Variants in PCDHGA9 observed in about 807,000 individuals in gnomAD.
PCDHGA9 encodes protocadherin gamma-A9.
A neutral mutation model predicts 62.5 loss-of-function variants in PCDHGA9; 37 were observed. The observed-to-expected ratio is 0.59, with a 90% CI of 0.46 to 0.78. The LOEUF (loss-of-function observed/expected upper bound fraction) is 0.78, where lower values mean the gene tolerates loss of function less well. Among genes scored for constraint, PCDHGA9 ranks in the 30% least tolerant of loss-of-function variants. The pLI is 0.00. For missense variants in PCDHGA9, 1,138 were observed against 1,166.2 expected (o/e 0.98, Z 0.35); for synonymous variants, 459 against 484.6 (o/e 0.95, Z 0.69).
intron 1 of PCDHGA9, chr5:141,421,683 A>G (rs1238944281): frequency 1.2e-6 from 2 of 1,613,758 alleles, no homozygotes; most frequent in African/African-American, 1.3e-5. Flanking sequence ...CTGGGGCGCG[A>G]TTTGCTCTTC....
intron 1 of PCDHGA9, chr5:141,421,945 A>T: frequency 2.5e-6 from 4 of 1,613,342 alleles, no homozygotes; most frequent in Non-Finnish European, 3.4e-6. Context: ...AAATGATCAC[A>T]TCCCAATGTT....
intron 1 of PCDHGA9, chr5:141,417,570 T>A: frequency 2.7e-6 from 1 of 373,028 alleles, no homozygotes; most frequent in Non-Finnish European, 4.7e-6. Context: ...AAAAGTCAAG[T>A]TGCAGTCCCA....
chr5:141,423,624 T>A (rs756883871), intron 1 of PCDHGA9: 9 of 1,607,038 alleles, frequency 5.6e-6, no homozygotes, highest in African/African-American at 1.3e-5. Flanking sequence ...AAGACTCAGC[T>A]ATCATTTTAG....
rs1456451105 is a variant in PCDHGA9 at position 141,477,377 on chromosome 5, C to T, written c.2425-17430C>T. Reference sequence around the variant, plus strand: ...TGCAGACCTGGATCGGGAGACTGTGCCAGAATACAACCTCAGCATCACCGC... The same window carrying T: ...TGCAGACCTGGATCGGGAGACTGTGTCAGAATACAACCTCAGCATCACCGC... On this transcript the variant is annotated intron_variant, in intron 1 of 3. Coordinates refer to ENST00000573521, the MANE Select transcript of PCDHGA9 (RefSeq NM_018921.3). This position sits in a 1 kb window ranked among gnomAD's most constrained non-coding sequence, Gnocchi z 4.9. 1 of 1,614,144 alleles carries T rather than the reference C, an allele frequency of 6.2e-7. No homozygotes were observed. Among genetic ancestry groups the T allele is most frequent in the South Asian group, 1.1e-5 (1 of 91,080 alleles).
intron 1 of PCDHGA9, chr5:141,409,321 T>G (rs899218484): frequency 1.9e-6 from 3 of 1,613,996 alleles, no homozygotes; most frequent in Admixed American, 1.7e-5. Context: ...AAACACGGGA[T>G]CTGGATTTCG....
rs1275819200 is a variant in PCDHGA9, at chr5:141,491,620, A to G, written c.2425-3187A>G. 5 of 1,613,788 alleles carry G rather than the reference A, an allele frequency of 3.1e-6. No individual in the cohort carries two copies. Among genetic ancestry groups the G allele is most frequent in the Non-Finnish European group, 4.2e-6 (5 of 1,180,014 alleles). On this transcript the variant is annotated intron_variant, in intron 1 of 3. Coordinates refer to ENST00000573521, the MANE Select transcript of PCDHGA9 (RefSeq NM_018921.3). The surrounding 1 kb of genome is among the most constrained non-coding windows in gnomAD (Gnocchi z 6.9). ...TGACTTCACTTTTCTAAGACCCCTC[A>G]GCGTTCAGCAGCCCACAGCTCTGGC...
intron 1 of PCDHGA9, chr5:141,415,743 T>G (rs1317934891): frequency 9.6e-6 from 3 of 311,420 alleles, no homozygotes; most frequent in Non-Finnish European, 1.2e-5. Context: ...TATTAAGGTT[T>G]TTTTTTTTTT....
At chr5:141,422,058 A>G (rs1015726657) in intron 1 of PCDHGA9, 3 of 1,611,890 alleles carry the variant, frequency 1.9e-6, no homozygotes, top group African/African-American at 2.7e-5. Flanking sequence ...TCAACGGGGA[A>G]GTAATGTATT....
At position 141,486,641 on chromosome 5, in the gene PCDHGA9, A is replaced by C; in HGVS notation, c.2425-8166A>C. On this transcript the variant is annotated intron_variant, in intron 1 of 3. Transcript: ENST00000573521. The surrounding 1 kb of genome is among the most constrained non-coding windows in gnomAD (Gnocchi z 5.0). ...CCCAGACTCTGGCTTGAATGCGCTTATCTCCTACTCACTCCTGGAGCCCAG... is the reference window on the plus strand; with the variant it reads ...CCCAGACTCTGGCTTGAATGCGCTTCTCTCCTACTCACTCCTGGAGCCCAG... 6.2e-7 allele frequency: 1 copy of C among 1,613,734 alleles called. No individual in the cohort carries two copies. The highest frequency in any genetic ancestry group is 1.6e-4 in the Middle Eastern group (1 of 6,062).
chr5:141,409,629 C>T (rs1379627250), intron 1 of PCDHGA9: 3 of 1,613,860 alleles, frequency 1.9e-6, no homozygotes, highest in East Asian at 4.5e-5. Flanking sequence ...CAAGTGAGCG[C>T]CTCTGACCCG....
chr5:141,419,638 C>G, intron 1 of PCDHGA9: 1 of 1,612,456 alleles, frequency 6.2e-7, no homozygotes, highest in Non-Finnish European at 8.5e-7. Context: ...AGGTGGTGGC[C>G]GTGGACGCGG....
intron 3 of PCDHGA9, among the ~76,000 whole-genome samples, chr5:141,509,109 G>A (rs893509101): frequency 5.3e-5 from 8 of 152,240 alleles, no homozygotes; most frequent in African/African-American, 1.9e-4. Flanking sequence ...AAACCTGAGC[G>A]CTGGTGCGTG....
intron 1 of PCDHGA9, chr5:141,426,591 A>G: frequency 1.4e-5 from 5 of 369,676 alleles, no homozygotes; most frequent in South Asian, 7.9e-5. Context: ...CCTCTGTGTC[A>G]TACCCTTAGA....
In PCDHGA9 at chr5:141,405,078, T is replaced by G; in HGVS notation, c.2126T>G (p.Ile709Ser). 1 of 1,613,888 alleles carries G rather than the reference T, an allele frequency of 6.2e-7. No homozygotes were observed. Among genetic ancestry groups the G allele is most frequent in the Non-Finnish European group, 8.5e-7 (1 of 1,179,762 alleles). ...VVSCVFLTFV[I>S]TLLALRLRHW... ...TCCTGTGTCTTCCTCACCTTCGTTATCACGCTGCTGGCCCTCAGGCTGAGG... is the reference window on the plus strand; with the variant it reads ...TCCTGTGTCTTCCTCACCTTCGTTAGCACGCTGCTGGCCCTCAGGCTGAGG... The change falls in exon 1 of 4, where the codon ATC becomes AGC. Residue 709 changes from isoleucine (I) to serine (S), a missense_variant. Transcript: ENST00000573521.
intron 1 of PCDHGA9, among the ~76,000 whole-genome samples, chr5:141,405,786 T>C (rs72790035): frequency 0.064 from 9,727 of 151,196 alleles, 364 homozygotes; most frequent in African/African-American, 0.1. Context: ...CCCTTAACTT[T>C]CTATTATAGT....
chr5:141,473,974 C>T (rs958240236), intron 1 of PCDHGA9, among the ~76,000 whole-genome samples: 12 of 152,172 alleles, frequency 7.9e-5, no homozygotes, highest in Admixed American at 1.3e-4. Flanking sequence ...AAGTCTGAGG[C>T]GGGAGGATCC....
At chr5:141,434,536 T>C (rs1037347477) in intron 1 of PCDHGA9, among the ~76,000 whole-genome samples, 7 of 152,186 alleles carry the variant, frequency 4.6e-5, no homozygotes, top group Non-Finnish European at 8.8e-5. Context: ...CCACAAACAA[T>C]AGCATGAGTG....
intron 1 of PCDHGA9, chr5:141,418,387 G>C (rs1172239604): frequency 1.9e-6 from 3 of 1,613,884 alleles, no homozygotes; most frequent in Non-Finnish European, 2.5e-6. Flanking sequence ...GTCCTAACGA[G>C]TATTTCTCAT....
intron 1 of PCDHGA9, among the ~76,000 whole-genome samples, chr5:141,443,859 GAA>G (rs2098408229): frequency 6.6e-6 from 1 of 152,104 alleles, no homozygotes; most frequent in Non-Finnish European, 1.5e-5. Context: ...TCTGAAAACT[GAA>G]AAAATTACTG....
Sources: gnomAD v4.1 joint callset for allele counts (sites outside exome capture counted in the v4.1 genomes callset) on GRCh38, gnomAD v4.1.1 for gene constraint, Gnocchi (gnomAD v3.1) non-coding constraint, MANE v1.5 for transcripts, NCBI Gene and HGNC (gene_info 2026-07-23, HGNC 2026-07-21) for gene names.